Variants in TTLL11 observed in about 807,000 individuals in gnomAD.
TTLL11 encodes the protein tubulin tyrosine ligase like 11, also known as tubulin polyglutamylase TTLL11.
Under a neutral mutation model 51.7 loss-of-function variants are expected in TTLL11, and 42 were observed. That is an observed-to-expected ratio of 0.81 (90% confidence interval 0.64 to 1.05). The LOEUF (loss-of-function observed/expected upper bound fraction) is 1.05. Ranked by LOEUF, TTLL11 falls within the 50% of genes least tolerant of loss-of-function variation. The pLI, the probability that TTLL11 is intolerant of heterozygous loss-of-function variation, is 0.00. For synonymous variants in TTLL11, 381 were observed against 383.5 expected (o/e 0.99, Z 0.08); for missense variants, 799 against 940.4 (o/e 0.85, Z 1.97).
intron 6 of TTLL11, among the ~76,000 whole-genome samples, chr9:121,893,240 A>G (rs1839326627): frequency 1.3e-5 from 2 of 152,212 alleles, no homozygotes; most frequent in Non-Finnish European, 2.9e-5. Context: ...AAAGAGGGAA[A>G]AAAATCACAG....
chr9:121,958,555 C>G (rs1363701328), intron 6 of TTLL11, among the ~76,000 whole-genome samples: 1 of 152,176 alleles, frequency 6.6e-6, no homozygotes, highest in Non-Finnish European at 1.5e-5. Context: ...TTTCTCTCCT[C>G]CAGCACCTCA....
At chr9:121,927,306 G>GTAGA (rs34923867) in intron 6 of TTLL11, among the ~76,000 whole-genome samples, 11,730 of 152,302 alleles carry the variant, frequency 0.077, 656 homozygotes, top group African/African-American at 0.16. Flanking sequence ...CTGTATCTAT[G>GTAGA]TAGATAGATG....
intron 8 of TTLL11, among the ~76,000 whole-genome samples, chr9:121,841,357 A>G (rs1434786354): frequency 2.6e-5 from 4 of 152,186 alleles, no homozygotes; most frequent in African/African-American, 4.8e-5. Context: ...CCCATTCAGA[A>G]CAGAACCGTG....
At chr9:121,985,307 G>C (rs146423180) in intron 4 of TTLL11, among the ~76,000 whole-genome samples, 1 of 152,048 alleles carries the variant, frequency 6.6e-6, no homozygotes, top group East Asian at 1.9e-4. Flanking sequence ...AACCCTTTGA[G>C]GTAGGCAAGG....
intron 8 of TTLL11, among the ~76,000 whole-genome samples, chr9:121,828,184 T>TC (rs1304103796): frequency 6.6e-6 from 1 of 151,674 alleles, no homozygotes; most frequent in Non-Finnish European, 1.5e-5. Context: ...TTTTTTTTTT[T>TC]TTTTTTGAGA....
At chr9:121,884,728 A>G (rs1251797163) in intron 6 of TTLL11, 1 of 152,210 alleles carries the variant, frequency 6.6e-6, no homozygotes, top group Non-Finnish European at 1.5e-5. Flanking sequence ...AGAGGGAACA[A>G]TTATTAATTT....
chr9:122,003,003 G>A (rs566792100), intron 3 of TTLL11, among the ~76,000 whole-genome samples: 25 of 148,336 alleles, frequency 1.7e-4, no homozygotes, highest in African/African-American at 3.5e-4. Flanking sequence ...CCAACCCACC[G>A]GACATTGGAA....
intron 6 of TTLL11, among the ~76,000 whole-genome samples, chr9:121,898,259 C>A (rs541619808): frequency 6.6e-6 from 1 of 152,320 alleles, no homozygotes; most frequent in African/African-American, 2.4e-5. Flanking sequence ...CCCACCCCCA[C>A]AGAGAGAAAA....
chr9:121,969,222 G>A (rs961670860), intron 6 of TTLL11, among the ~76,000 whole-genome samples: 1 of 152,102 alleles, frequency 6.6e-6, no homozygotes, highest in Non-Finnish European at 1.5e-5. Flanking sequence ...AAGATTATGA[G>A]GCTCAAAACA....
At chr9:121,871,769 T>G (rs963046822) in intron 6 of TTLL11, among the ~76,000 whole-genome samples, 1 of 152,168 alleles carries the variant, frequency 6.6e-6, no homozygotes, top group Non-Finnish European at 1.5e-5. Flanking sequence ...AGGCACACAG[T>G]TCCAGCCCAA....
At chr9:122,090,325 T>G (rs2131946046) in intron 1 of TTLL11, among the ~76,000 whole-genome samples, 1 of 152,144 alleles carries the variant, frequency 6.6e-6, no homozygotes, top group Admixed American at 6.5e-5. Context: ...CACATAGCCT[T>G]CCTCCCCAAA....
chr9:122,039,228 T>C, intron 2 of TTLL11, 44 bp downstream of exon 2: 3 of 1,508,480 alleles, frequency 2.0e-6, no homozygotes, highest in Non-Finnish European at 2.8e-6. Context: ...ATCTGAGACT[T>C]GGCCCTAGAA....
chr9:122,017,042 C>T (rs575418512), intron 3 of TTLL11, among the ~76,000 whole-genome samples: 3 of 152,264 alleles, frequency 2.0e-5, no homozygotes, highest in Non-Finnish European at 4.4e-5. Context: ...AGCAGGGTAA[C>T]ATGGGTCTCC....
rs1421916413 is a variant in TTLL11 at position 121,989,313 on chromosome 9, T to G, written c.1151A>C (p.Lys384Thr). 1.2e-6 allele frequency: 2 copies of G among 1,614,218 alleles called. No individual in the cohort carries two copies. The highest frequency in any genetic ancestry group is 3.3e-5 in the Admixed American group (2 of 60,018). Residue 384 changes from lysine to threonine, a missense_variant, in exon 4 of 9, where the codon AAG becomes ACG. Transcript: ENST00000321582. The surrounding 1 kb of genome is among the most constrained non-coding windows in gnomAD (Gnocchi z 4.2). ...CACGGAGATGATGTCAGACCAGACCTTCTTGATGTCAACGCCTTTGGAAGA... is the reference window on the plus strand; with the variant it reads ...CACGGAGATGATGTCAGACCAGACCGTCTTGATGTCAACGCCTTTGGAAGA... ...RLSSKGVDIK[K>T]VWSDIISVVI...
chr9:121,973,822 A>T (rs1048763888), intron 6 of TTLL11, among the ~76,000 whole-genome samples, 187 bp downstream of exon 6: 3 of 152,118 alleles, frequency 2.0e-5, no homozygotes, highest in Non-Finnish European at 4.4e-5. Context: ...TTGTCAGATT[A>T]CTCCGGATTT....
intron 6 of TTLL11, among the ~76,000 whole-genome samples, chr9:121,871,154 C>T (rs1055763995): frequency 9.3e-5 from 14 of 150,992 alleles, no homozygotes; most frequent in Admixed American, 1.3e-4. Context: ...CACAGTTCAA[C>T]GAACAATTTG....
intron 1 of TTLL11, among the ~76,000 whole-genome samples, chr9:122,089,064 T>C (rs1389560281): frequency 6.6e-6 from 1 of 150,504 alleles, no homozygotes; most frequent in East Asian, 1.9e-4. Context: ...TTGTGTGCCC[T>C]GCAGCTGAGC....
At chr9:122,021,810 A>C (rs1479632024) in intron 3 of TTLL11, among the ~76,000 whole-genome samples, 1 of 152,224 alleles carries the variant, frequency 6.6e-6, no homozygotes, top group Non-Finnish European at 1.5e-5. Context: ...CCCAGACATG[A>C]AAAAAACATC....
intron 1 of TTLL11, among the ~76,000 whole-genome samples, chr9:122,068,943 C>T (rs1411198988): frequency 2.0e-5 from 3 of 152,122 alleles, no homozygotes; most frequent in African/African-American, 4.8e-5. Context: ...GATGCAGAGA[C>T]CCCAGAGAAT....
Sources: allele counts gnomAD v4.1 joint callset (sites outside exome capture counted in the v4.1 genomes callset), GRCh38; gene constraint gnomAD v4.1.1; non-coding constraint Gnocchi (gnomAD v3.1); transcripts MANE v1.5; gene names NCBI Gene and HGNC (gene_info 2026-07-23, HGNC 2026-07-21).